The following BTBD6 variants were observed in gnomAD, a reference collection of about 807,000 sequenced individuals.
The protein encoded by BTBD6 is BTB/POZ domain-containing protein 6.
In BTBD6, 30 loss-of-function variants were observed where a neutral mutation model predicts 40.6. The ratio of observed to expected loss-of-function variants is 0.74; its 90% confidence interval spans 0.55 to 1.00. BTBD6 has a LOEUF of 1.00. Ranked by LOEUF, BTBD6 falls within the 50% of genes least tolerant of loss-of-function variation. The probability of loss-of-function intolerance (pLI) is 0.00; values close to 1 mark genes in which losing one functional copy is unlikely to be tolerated. For synonymous variants in BTBD6, 378 were observed against 308.7 expected, an observed-to-expected ratio of 1.22 and a Z score of -2.35; for missense variants, 698 against 694.6, an observed-to-expected ratio of 1.00 and a Z score of -0.06.
At position 105,249,219 on chromosome 14, in the gene BTBD6, G is replaced by T; in HGVS notation, c.437G>T (p.Gly146Val). Reference protein sequence around the residue: ...ADVHFVVGPPGATRTVPAHKY... With the variant: ...ADVHFVVGPPVATRTVPAHKY... ...GTGCACTTCGTCGTGGGGCCCCCGG[G>T]GGCGACCAGGACGGTGCCCGCCCAC... is the stretch of plus-strand genomic sequence containing the variant. The change falls in exon 2 of 4, where the codon GGG becomes GTG. Residue 146 changes from glycine to valine, a missense_variant. Physicochemically the swap from Gly to Val is moderately radical, Grantham distance 109. Transcript: ENST00000392554. 6.3e-7 allele frequency: 1 copy of T among 1,587,696 alleles called. No individual in the cohort carries two copies.
Position 105,248,982 on chromosome 14 carries a change from C to A in BTBD6, c.271C>A (p.Pro91Thr). ...CGGGCCGCGCAGCCCGCCCAGCGCC[C>A]CCGCGCCAGCGCCGCCGCCGCCCGC... is the stretch of plus-strand genomic sequence containing the variant. ...KAGPRSPPSAPAPAPPPPAPA... is the reference protein window; with the variant it reads ...KAGPRSPPSATAPAPPPPAPA... The change falls in exon 1 of 4, where the codon CCC (proline) becomes ACC (threonine). Residue 91 changes from proline (P) to threonine (T), a missense_variant. By Grantham distance (38) the Pro-to-Thr change is conservative. Coordinates refer to ENST00000392554, the MANE Select transcript of BTBD6 (RefSeq NM_001387567.1). 5.1e-6 allele frequency: 5 copies of A among 986,472 alleles called. No individual in the cohort carries two copies. Among genetic ancestry groups the A allele is most frequent in the Non-Finnish European group, 4.8e-6 (4 of 831,556 alleles). The allele number at this position is 986,472 out of a possible 1,614,324, so 61.1% of individuals were successfully genotyped here.
chr14:105,250,144 C>T lies in BTBD6; in HGVS notation c.1089C>T (p.Ser363=). The change falls in exon 4 of 4, where the codon AGC becomes AGT. Residue 363 remains serine, a synonymous_variant. Transcript: ENST00000392554. ...SDILTLEETH[S]IFLWYTATNK... ...TCCTGACTCTGGAGGAGACCCACAG[C>T]ATCTTCCTGTGGTACACGGCCACCA... 1 of 1,612,990 alleles carries T rather than the reference C, an allele frequency of 6.2e-7. No homozygotes were observed. Among genetic ancestry groups the T allele is most frequent in the Non-Finnish European group, 8.5e-7 (1 of 1,180,044 alleles).
rs1278455846 is a variant in BTBD6 at position 105,250,898 on chromosome 14, T to A, written c.*226T>A. On this transcript the variant is annotated 3_prime_UTR_variant, in exon 4 of 4. Transcript: ENST00000392554. ...GTGCACGTCTCAGGTGGAGGAAGAT[T>A]TACGGCTCAAGACAGGCCCCAGATC... The A allele has an allele frequency of 1.7e-6, 1 of 573,044 alleles. No homozygotes were observed. Among genetic ancestry groups the A allele is most frequent in the Non-Finnish European group, 3.2e-6 (1 of 316,842 alleles). The allele number at this position is 573,044 out of a possible 1,614,324, so 35.5% of individuals were successfully genotyped here. A position where few individuals can be genotyped will look rare whatever the true frequency, so the allele number is the denominator to read the frequency against.
chr14:105,249,944 A>G lies in BTBD6; in HGVS notation c.889A>G (p.Lys297Glu), dbSNP rs1373717975. Reference sequence around the variant, plus strand: ...TGTCACTCGGGAGGCCCTCAACACCAAAGAGGCGGTGGTCTTCGAGGCCGT... The same window carrying G: ...TGTCACTCGGGAGGCCCTCAACACCGAAGAGGCGGTGGTCTTCGAGGCCGT... ...IIVTREALNTKEAVVFEAVLN... is the reference protein window; with the variant it reads ...IIVTREALNTEEAVVFEAVLN... Residue 297 changes from lysine to glutamate, a missense_variant, in exon 4 of 4, where the codon AAA becomes GAA. Transcript: ENST00000392554. 10 of 1,611,806 alleles carry G rather than the reference A, an allele frequency of 6.2e-6. No homozygotes were observed. Among genetic ancestry groups the G allele is most frequent in the African/African-American group, 5.3e-5 (4 of 74,942 alleles).
In BTBD6 at chr14:105,250,771, C is replaced by G. The variant is rs901156745; in HGVS notation, c.*99C>G. ...CATGAAAGGCTGCTCTTAACTTTGT[C>G]TCTCTTTGACATGTAGTCAGCTGAA... On this transcript the variant is annotated 3_prime_UTR_variant, in exon 4 of 4. Coordinates refer to ENST00000392554, the MANE Select transcript of BTBD6 (RefSeq NM_001387567.1). 3.2e-6 allele frequency: 4 copies of G among 1,249,694 alleles called. No homozygotes were observed. Among genetic ancestry groups the G allele is most frequent in the Non-Finnish European group, 2.2e-6 (2 of 903,024 alleles). 77.4% of individuals were successfully genotyped at this position (1,249,694 alleles called of 1,614,324 possible).
chr14:105,249,688 C>T lies in BTBD6; in HGVS notation c.633C>T (p.Ala211=), dbSNP rs780319743. 6 of 1,613,654 alleles carry T rather than the reference C, an allele frequency of 3.7e-6. No individual in the cohort carries two copies. The highest frequency in any genetic ancestry group is 3.4e-6 in the Non-Finnish European group (4 of 1,179,976). ...EIDLEADTVL[A]TLYAAKKYIV... is the part of the protein sequence containing the mutation. ...ATCTGGAAGCCGACACGGTGCTGGC[C>T]ACTCTGTACGCTGCTAAGAAGTACA... The change falls in exon 4 of 4, where the codon GCC becomes GCT. Residue 211 remains alanine (A), a synonymous_variant. Coordinates refer to ENST00000392554, the MANE Select transcript of BTBD6 (RefSeq NM_001387567.1).
rs1187054017 is a variant in BTBD6 at position 105,249,216 on chromosome 14, C to T, written c.434C>T (p.Pro145Leu). 1.3e-6 allele frequency: 2 copies of T among 1,587,628 alleles called. No homozygotes were observed. The highest frequency in any genetic ancestry group is 2.2e-5 in the South Asian group (2 of 89,174). ...MADVHFVVGP[P>L]GATRTVPAHK... ...GACGTGCACTTCGTCGTGGGGCCCCCGGGGGCGACCAGGACGGTGCCCGCC... is the reference window on the plus strand; with the variant it reads ...GACGTGCACTTCGTCGTGGGGCCCCTGGGGGCGACCAGGACGGTGCCCGCC... The change falls in exon 2 of 4, where the codon CCG (proline) becomes CTG (leucine). Residue 145 changes from proline to leucine, a missense_variant. Transcript: ENST00000392554.
rs1872742730 is a variant in BTBD6 at position 105,248,547 on chromosome 14, C to G, written c.-165C>G. ...GCGGCCCTGACGCAGCGTGACGCAC[C>G]GGCGCCGCGGCGGGTACGGGCTCGG... On this transcript the variant is annotated 5_prime_UTR_variant, in exon 1 of 4. Transcript: ENST00000392554. The G allele has an allele frequency of 3.3e-5, 27 of 821,712 alleles. 1 individual carries two copies. Among genetic ancestry groups the G allele is most frequent in the Non-Finnish European group, 3.8e-5 (27 of 704,380 alleles). 50.9% of individuals were successfully genotyped at this position (821,712 alleles called of 1,614,324 possible). A position where few individuals can be genotyped will look rare whatever the true frequency, so the allele number is the denominator to read the frequency against.
Position 105,249,927 on chromosome 14 carries a change from G to C in BTBD6, c.872G>C (p.Arg291Pro). Reference protein sequence around the residue: ...DRQTLEIIVTREALNTKEAVV... With the variant: ...DRQTLEIIVTPEALNTKEAVV... ...CAGACGCTGGAGATCATTGTCACTC[G>C]GGAGGCCCTCAACACCAAAGAGGCG... The change falls in exon 4 of 4, where the codon CGG becomes CCG. Residue 291 changes from arginine to proline, a missense_variant. Transcript: ENST00000392554. 6.2e-7 allele frequency: 1 copy of C among 1,611,388 alleles called. No individual in the cohort carries two copies. The highest frequency in any genetic ancestry group is 1.1e-5 in the South Asian group (1 of 91,076).
chr14:105,249,382 C>T lies in BTBD6; in HGVS notation c.488C>T (p.Ser163Phe), dbSNP rs1172159764. The change falls in exon 3 of 4, where the codon TCC (serine) becomes TTC (phenylalanine). Residue 163 changes from serine to phenylalanine, a missense_variant. By Grantham distance (155) the Ser-to-Phe change is radical. Transcript: ENST00000392554. ...CAGTACGTCTTGGCTGTCGGCAGCT[C>T]CGTCTTCTATGCCATGTTCTACGGA... ...AHKYVLAVGS[S>F]VFYAMFYGDL... 6.2e-7 allele frequency: 1 copy of T among 1,612,336 alleles called. No individual in the cohort carries two copies. The highest frequency in any genetic ancestry group is 2.2e-5 in the East Asian group (1 of 44,862).
Position 105,250,734 on chromosome 14 carries a change from G to A in BTBD6, c.*62G>A, listed in dbSNP as rs149697762. The A allele has an allele frequency of 3.4e-6, 5 of 1,488,930 alleles. No individual in the cohort carries two copies. In the African/African-American group the frequency reaches 5.6e-5, roughly 17 times the overall value. 92.2% of individuals were successfully genotyped at this position (1,488,930 alleles called of 1,614,324 possible). On this transcript the variant is annotated 3_prime_UTR_variant, in exon 4 of 4. Transcript: ENST00000392554. Reference sequence around the variant, plus strand: ...TGGAGGGGAAGTCAAGATGCTAACTGCTTCTTGACACCATGAAAGGCTGCT... The same window carrying A: ...TGGAGGGGAAGTCAAGATGCTAACTACTTCTTGACACCATGAAAGGCTGCT...
Position 105,249,096 on chromosome 14 carries a change from G to GCCCCGCGGC in BTBD6, c.374+19_374+27dup, listed in dbSNP as rs1334762642. On this transcript the variant is annotated intron_variant, in intron 1 of 3. Transcript: ENST00000392554. ...CACGCTGCGCGAGAGGTGAGCCCGTGCCCCGCGGCCCCCGCGCCCGCGCGC... is the reference window on the plus strand; with the variant it reads ...CACGCTGCGCGAGAGGTGAGCCCGTGCCCCGCGGCCCCCGCGGCCCCCGCGCCCGCGCGC... The GCCCCGCGGC allele has an allele frequency of 8.1e-6, 12 of 1,485,160 alleles. No individual in the cohort carries two copies. Among genetic ancestry groups the GCCCCGCGGC allele is most frequent in the South Asian group, 1.3e-5 (1 of 79,032 alleles). The allele number at this position is 1,485,160 out of a possible 1,614,324, so 92.0% of individuals were successfully genotyped here. A position where few individuals can be genotyped will look rare whatever the true frequency, so the allele number is the denominator to read the frequency against.
chr14:105,249,250 G>A lies in BTBD6; in HGVS notation c.465+3G>A, dbSNP rs966289136. On this transcript the variant is annotated splice_donor_region_variant and intron_variant, in intron 2 of 3. Transcript: ENST00000392554. ...CCAGGACGGTGCCCGCCCACAAGGT[G>A]GGTAGCGGCGGCCCCTCTCGGAACG... is the stretch of plus-strand genomic sequence containing the variant. 6.4e-7 allele frequency: 1 copy of A among 1,569,578 alleles called. No homozygotes were observed. Among genetic ancestry groups the A allele is most frequent in the Non-Finnish European group, 8.6e-7 (1 of 1,162,334 alleles).
At position 105,250,586 on chromosome 14, in the gene BTBD6, G is replaced by A; in HGVS notation, c.1531G>A (p.Ala511Thr). Reference sequence around the variant, plus strand: ...GACGGAAGTGCAGTGTGGAAAGGTGGCCTTCCAGTTCCAGTGCTCCTCGGA... The same window carrying A: ...GACGGAAGTGCAGTGTGGAAAGGTGACCTTCCAGTTCCAGTGCTCCTCGGA... ...GMTEVQCGKVAFQFQCSSDST... is the reference protein window; with the variant it reads ...GMTEVQCGKVTFQFQCSSDST... Residue 511 changes from alanine to threonine, a missense_variant, in exon 4 of 4, where the codon GCC becomes ACC. Coordinates refer to ENST00000392554, the MANE Select transcript of BTBD6 (RefSeq NM_001387567.1). The A allele has an allele frequency of 6.2e-7, 1 of 1,614,102 alleles. No homozygotes were observed. The highest frequency in any genetic ancestry group is 8.5e-7 in the Non-Finnish European group (1 of 1,180,036).
intron 2 of BTBD6, 40 bp from the exon 3 acceptor site, chr14:105,249,320 G>A (rs1362743499): frequency 1.3e-6 from 2 of 1,596,200 alleles, no homozygotes; most frequent in African/African-American, 2.7e-5. Context: ...CACGCAGCCT[G>A]CGGGAGAGCC....
Position 105,250,807 on chromosome 14 carries a change from G to A in BTBD6, c.*135G>A. ...ATGTAGTCAGCTGAAGCTTGACTGT[G>A]TAGAGACATTTTCCACACAGCCAGA... On this transcript the variant is annotated 3_prime_UTR_variant, in exon 4 of 4. Transcript: ENST00000392554. The A allele has an allele frequency of 1.0e-6, 1 of 964,734 alleles. No individual in the cohort carries two copies. The highest frequency in any genetic ancestry group is 1.5e-6 in the Non-Finnish European group (1 of 654,818). 59.8% of individuals were successfully genotyped at this position (964,734 alleles called of 1,614,324 possible). A position where few individuals can be genotyped will look rare whatever the true frequency, so the allele number is the denominator to read the frequency against.
chr14:105,248,675 G>A lies in BTBD6; in HGVS notation c.-37G>A, dbSNP rs867422238. ...CAGGGGCGGGGGTGGCAGGGGAGCG[G>A]GTGGCAGCCCCGCGGGTCACAGCGC... is the stretch of plus-strand genomic sequence containing the variant. On this transcript the variant is annotated 5_prime_UTR_variant, in exon 1 of 4. Transcript: ENST00000392554. The A allele has an allele frequency of 3.1e-6, 3 of 981,784 alleles. No homozygotes were observed. Among genetic ancestry groups the A allele is most frequent in the Middle Eastern group, 5.2e-4 (1 of 1,918 alleles). The allele number at this position is 981,784 out of a possible 1,614,324, so 60.8% of individuals were successfully genotyped here. A position where few individuals can be genotyped will look rare whatever the true frequency, so the allele number is the denominator to read the frequency against.
chr14:105,248,652 G>A lies in BTBD6; in HGVS notation c.-60G>A. On this transcript the variant is annotated 5_prime_UTR_variant, in exon 1 of 4. Coordinates refer to ENST00000392554, the MANE Select transcript of BTBD6 (RefSeq NM_001387567.1). Reference sequence around the variant, plus strand: ...TAGGCTGGGCTCGGGCAGGGTCGCAGGGGCGGGGGTGGCAGGGGAGCGGGT... The same window carrying A: ...TAGGCTGGGCTCGGGCAGGGTCGCAAGGGCGGGGGTGGCAGGGGAGCGGGT... 1.0e-6 allele frequency: 1 copy of A among 980,770 alleles called. No homozygotes were observed. The highest frequency in any genetic ancestry group is 1.2e-6 in the Non-Finnish European group (1 of 828,244). The allele number at this position is 980,770 out of a possible 1,614,324, so 60.8% of individuals were successfully genotyped here.
intron 2 of BTBD6, 41 bp downstream of exon 2, chr14:105,249,288 G>A (rs1329834013): frequency 6.4e-7 from 1 of 1,567,286 alleles, no homozygotes; most frequent in South Asian, 1.1e-5. Flanking sequence ...TGCCCCGTCC[G>A]CCCCGTCCGC....
Sources: allele counts gnomAD v4.1 joint callset, GRCh38; gene constraint gnomAD v4.1.1; transcripts MANE v1.5; gene names NCBI Gene and HGNC (gene_info 2026-07-23, HGNC 2026-07-21).